The following USP32 variants were observed in gnomAD, a reference collection of about 807,000 sequenced individuals.
USP32 encodes ubiquitin specific peptidase 32, also known as ubiquitin carboxyl-terminal hydrolase 32.
USP32 carries 59 observed loss-of-function variants against 204.8 expected under a neutral mutation model. The observed-to-expected ratio is 0.29, with a 90% CI of 0.23 to 0.36. The LOEUF is 0.36. Ranked by LOEUF, USP32 falls within the 10% of genes least tolerant of loss-of-function variation. The pLI, the probability that USP32 is intolerant of heterozygous loss-of-function variation, is 1.00. For missense variants in USP32, 1,160 were observed against 1,946.4 expected (o/e 0.60, Z 7.60); for synonymous variants, 517 against 678.4 (o/e 0.76, Z 3.70).
intron 1 of USP32, among the ~76,000 whole-genome samples, chr17:60,407,434 C>T (rs1051356047): frequency 1.3e-5 from 2 of 152,126 alleles, no homozygotes; most frequent in Non-Finnish European, 2.9e-5. Context: ...GGAGAGACTG[C>T]AGCAGAGGTA....
At chr17:60,191,692 G>A (rs891193355) in intron 28 of USP32, among the ~76,000 whole-genome samples, 2 of 151,348 alleles carry the variant, frequency 1.3e-5, no homozygotes, top group African/African-American at 4.8e-5. Context: ...TGTATTTTTA[G>A]TAGAGATGGG....
intron 7 of USP32, among the ~76,000 whole-genome samples, chr17:60,266,509 G>A (rs2086595495): frequency 6.6e-6 from 1 of 152,168 alleles, no homozygotes; most frequent in Admixed American, 6.5e-5. Context: ...GTTTGTTGGA[G>A]ATGGAGTCTC....
chr17:60,419,849 T>TTATTATTA (rs1567903884), intron 1 of USP32, among the ~76,000 whole-genome samples: 9 of 131,232 alleles, frequency 6.9e-5, no homozygotes, highest in African/African-American at 2.7e-4. Flanking sequence ...ATTATTATTA[T>TTATTATTA]TATTATTATT....
intron 4 of USP32, among the ~76,000 whole-genome samples, chr17:60,289,252 C>T (rs1483217263): frequency 1.3e-5 from 2 of 152,210 alleles, no homozygotes; most frequent in African/African-American, 4.8e-5. Flanking sequence ...TTGTGATCTG[C>T]CCGCCTCGGC....
intron 2 of USP32, among the ~76,000 whole-genome samples, chr17:60,327,733 C>A (rs1376495792): frequency 2.6e-5 from 4 of 152,222 alleles, no homozygotes; most frequent in African/African-American, 7.2e-5. Flanking sequence ...CGGGGAAGTC[C>A]CCCTGCCCCT....
chr17:60,286,607 G>A lies in USP32; in HGVS notation c.571+1916C>T, dbSNP rs1385767699. Among the ~76,000 whole-genome samples the A allele has an allele frequency of 2.6e-5, 4 of 152,212 alleles. No individual in the cohort carries two copies. The East Asian group carries it at 7.7e-4, about 29-fold the overall frequency. On this transcript the variant is annotated intron_variant, in intron 5 of 33. Transcript: ENST00000300896. ...AGGATACTCCTGAGTTCCTTCAAGT[G>A]AAACTCTAGGCATCTATCTAGCCAG...
At chr17:60,419,847 TATTA>T (rs1447502178) in intron 1 of USP32, among the ~76,000 whole-genome samples, 1 of 141,882 alleles carries the variant, frequency 7.0e-6, no homozygotes, top group Non-Finnish European at 1.5e-5. Context: ...TTATTATTAT[TATTA>T]TTATTATTAT....
At chr17:60,212,360 C>T (rs1598074023) in intron 18 of USP32, among the ~76,000 whole-genome samples, 1 of 152,200 alleles carries the variant, frequency 6.6e-6, no homozygotes, top group Non-Finnish European at 1.5e-5. Context: ...TGGCTACAAA[C>T]CTGTACAGTA....
chr17:60,219,823 A>G, intron 15 of USP32, 36 bp from the exon 16 acceptor site: 1 of 1,563,080 alleles, frequency 6.4e-7, no homozygotes, highest in South Asian at 1.2e-5. Flanking sequence ...ATCACTAAAA[A>G]AAGAAACAAA....
intron 1 of USP32, among the ~76,000 whole-genome samples, chr17:60,373,448 T>A (rs2089482045): frequency 6.6e-6 from 1 of 151,546 alleles, no homozygotes; most frequent in Non-Finnish European, 1.5e-5. Flanking sequence ...CTGTAATTTT[T>A]TTTTTTTTTT....
chr17:60,303,079 C>A (rs780214774), intron 2 of USP32, among the ~76,000 whole-genome samples: 1 of 152,118 alleles, frequency 6.6e-6, no homozygotes, highest in Admixed American at 6.6e-5. Context: ...CAACTGATGT[C>A]AAAAACTATC....
upstream of USP32, chr17:60,392,298 G>C (rs1192075455): frequency 2.9e-6 from 1 of 342,260 alleles, no homozygotes; most frequent in Non-Finnish European, 5.4e-6. Flanking sequence ...TCCCGGTAAC[G>C]GCCGCCCAGG....
intron 2 of USP32, among the ~76,000 whole-genome samples, chr17:60,331,439 C>T (rs1042031443): frequency 1.3e-5 from 2 of 151,226 alleles, no homozygotes; most frequent in Non-Finnish European, 2.9e-5. Flanking sequence ...GTGGCATGCA[C>T]TTGTAGTCCC....
chr17:60,295,540 G>A (rs1485675315), intron 3 of USP32, among the ~76,000 whole-genome samples: 1 of 152,172 alleles, frequency 6.6e-6, no homozygotes, highest in East Asian at 1.9e-4. Flanking sequence ...TCTGAGTAAC[G>A]TGATAAAATC....
chr17:60,361,967 G>C (rs1011470374), intron 1 of USP32, among the ~76,000 whole-genome samples: 1 of 152,122 alleles, frequency 6.6e-6, no homozygotes, highest in South Asian at 2.1e-4. Flanking sequence ...ACTAAAAGTG[G>C]ATCCACTCTT....
intron 2 of USP32, among the ~76,000 whole-genome samples, chr17:60,318,366 T>C (rs1348712321): frequency 6.6e-6 from 1 of 152,208 alleles, no homozygotes; most frequent in Non-Finnish European, 1.5e-5. Flanking sequence ...AATTATATAT[T>C]CTCCTGTTCA....
chr17:60,311,278 G>A (rs904149658), intron 2 of USP32, among the ~76,000 whole-genome samples: 4 of 151,958 alleles, frequency 2.6e-5, no homozygotes, highest in South Asian at 2.1e-4. Flanking sequence ...CAACCCTAAA[G>A]GAAAAGAAAA....
chr17:60,290,988 T>G (rs1184199779), intron 4 of USP32, among the ~76,000 whole-genome samples: 1 of 152,228 alleles, frequency 6.6e-6, no homozygotes, highest in Non-Finnish European at 1.5e-5. Flanking sequence ...TACAATGTCC[T>G]AAGAACTGCT....
At chr17:60,357,381 A>C (rs886483279) in intron 1 of USP32, among the ~76,000 whole-genome samples, 2 of 152,084 alleles carry the variant, frequency 1.3e-5, no homozygotes, top group Non-Finnish European at 1.5e-5. Flanking sequence ...TGAGCCCAGG[A>C]GTTGGAGGCT....
Sources: gnomAD v4.1 joint callset for allele counts (sites outside exome capture counted in the v4.1 genomes callset) on GRCh38, gnomAD v4.1.1 for gene constraint, MANE v1.5 for transcripts, NCBI Gene and HGNC (gene_info 2026-07-23, HGNC 2026-07-21) for gene names.